The following PHAF1 variants were observed in gnomAD, a reference collection of about 807,000 sequenced individuals.
The protein encoded by PHAF1 is phagosome assembly factor 1.
PHAF1 carries 23 observed loss-of-function variants against 63.1 expected under a neutral mutation model. The ratio of observed to expected loss-of-function variants is 0.36; its 90% CI spans 0.26 to 0.52. The LOEUF is 0.52. Ranked by LOEUF, PHAF1 falls within the 20% of genes least tolerant of loss-of-function variation. PHAF1 has a pLI of 0.93. For synonymous variants in PHAF1, 167 were observed against 185.0 expected (o/e 0.90, Z 0.79); for missense variants, 427 against 517.2 (o/e 0.83, Z 1.69).
intron 15 of PHAF1, among the ~76,000 whole-genome samples, chr16:67,146,643 G>A (rs547136524): frequency 4.4e-4 from 67 of 152,336 alleles, no homozygotes; most frequent in African/African-American, 1.6e-3. Flanking sequence ...TAGCAGGGAA[G>A]GGAACCACAG....
chr16:67,126,892 C>CT (rs894357549), intron 3 of PHAF1, among the ~76,000 whole-genome samples: 1,837 of 125,704 alleles, frequency 0.015, 36 homozygotes, highest in African/African-American at 0.047. Flanking sequence ...CCAGCCCAGT[C>CT]TTTTTTTTTT....
At chr16:67,113,991 C>T (rs1030999063) in intron 1 of PHAF1, among the ~76,000 whole-genome samples, 7 of 152,024 alleles carry the variant, frequency 4.6e-5, no homozygotes, top group Admixed American at 1.3e-4. Context: ...GCATTTGTGC[C>T]GGGCCCTGAA....
At chr16:67,113,455 T>C (rs968000046) in intron 1 of PHAF1, among the ~76,000 whole-genome samples, 29 of 150,104 alleles carry the variant, frequency 1.9e-4, no homozygotes, top group African/African-American at 6.1e-4. Flanking sequence ...CTTTTTCTTT[T>C]TTTTTTTTTT....
chr16:67,144,736 T>G, intron 11 of PHAF1, 98 bp from the exon 12 acceptor site: 2 of 1,336,854 alleles, frequency 1.5e-6, no homozygotes, highest in Non-Finnish European at 2.1e-6. Flanking sequence ...TTTGGGCAGG[T>G]GTGTTTGGTT....
intron 13 of PHAF1, 45 bp from the exon 14 acceptor site, chr16:67,145,525 G>C: frequency 6.2e-7 from 1 of 1,613,394 alleles, no homozygotes; most frequent in Non-Finnish European, 8.5e-7. Flanking sequence ...TCACAGACAT[G>C]TTCATGTCCC....
chr16:67,126,901 T>C (rs1265901850), intron 3 of PHAF1, among the ~76,000 whole-genome samples: 1 of 145,140 alleles, frequency 6.9e-6, no homozygotes, highest in African/African-American at 2.6e-5. Flanking sequence ...TCTTTTTTTT[T>C]TTTTTGAGAC....
intron 2 of PHAF1, among the ~76,000 whole-genome samples, chr16:67,120,747 C>T (rs1280552660): frequency 1.4e-4 from 22 of 151,936 alleles, no homozygotes; most frequent in African/African-American, 7.3e-5. Context: ...TTGTGGTGTC[C>T]TGTGTGTCAC....
chr16:67,132,653 G>T lies in PHAF1; in HGVS notation c.355+128G>T, dbSNP rs957920750. 8 of 1,247,326 alleles carry T rather than the reference G, an allele frequency of 6.4e-6. No individual in the cohort carries two copies. In the African/African-American group the frequency reaches 7.4e-5, roughly 12 times the overall value. 77.3% of individuals were successfully genotyped at this position (1,247,326 alleles called of 1,614,324 possible). On this transcript the variant is annotated intron_variant, in intron 5 of 15. Transcript: ENST00000219139. ...ATAGGATTGTGGGGTTGGTACTTGGGTGTGAAGGAAACATCCTCCCCCTTG... is the reference window on the plus strand; with the variant it reads ...ATAGGATTGTGGGGTTGGTACTTGGTTGTGAAGGAAACATCCTCCCCCTTG...
intron 1 of PHAF1, among the ~76,000 whole-genome samples, chr16:67,113,625 A>G (rs907630362): frequency 6.6e-6 from 1 of 150,704 alleles, no homozygotes; most frequent in Non-Finnish European, 1.5e-5. Flanking sequence ...AATTTTTTGT[A>G]TTTTTAGCAG....
intron 2 of PHAF1, among the ~76,000 whole-genome samples, chr16:67,123,652 C>T (rs1481903100): frequency 6.6e-6 from 1 of 152,148 alleles, no homozygotes; most frequent in South Asian, 2.1e-4. Flanking sequence ...AAGCATTCCG[C>T]CTGCCACGAC....
At position 67,119,390 on chromosome 16, in the gene PHAF1, A is replaced by G. The variant is rs147961092; in HGVS notation, c.65-722A>G. ...TCCCATCCCCTTCCATGCATGTCCA[A>G]CCTTTTGGCTTCCCTGGGCCACATT... On this transcript the variant is annotated intron_variant, in intron 1 of 15. Transcript: ENST00000219139. Among the ~76,000 whole-genome samples the G allele has an allele frequency of 2.0e-4, 31 of 152,126 alleles. 1 individual carries two copies. In the East Asian group the frequency reaches 5.6e-3, roughly 27 times the overall value.
At chr16:67,133,462 T>C (rs1963484058) in intron 6 of PHAF1, among the ~76,000 whole-genome samples, 1 of 146,286 alleles carries the variant, frequency 6.8e-6, no homozygotes, top group Admixed American at 6.8e-5. Context: ...CGAGACCACG[T>C]TGGCCAACAT....
chr16:67,131,376 GC>G, intron 4 of PHAF1, 47 bp downstream of exon 4: 1 of 1,317,444 alleles, frequency 7.6e-7, no homozygotes, highest in East Asian at 2.4e-5. Context: ...GTATAGACAG[GC>G]CATATCTACT....
chr16:67,115,710 G>T (rs981968709), intron 1 of PHAF1, among the ~76,000 whole-genome samples: 5 of 152,116 alleles, frequency 3.3e-5, no homozygotes, highest in African/African-American at 7.2e-5. Flanking sequence ...GAGATCTTTC[G>T]TAGCCCTCCT....
intron 10 of PHAF1, among the ~76,000 whole-genome samples, chr16:67,140,861 G>C (rs879207045): frequency 6.6e-6 from 1 of 152,318 alleles, no homozygotes; most frequent in African/African-American, 2.4e-5. Context: ...TGGAGGCCTT[G>C]GAAATCATTC....
intron 1 of PHAF1, among the ~76,000 whole-genome samples, chr16:67,114,643 A>C (rs1046873382): frequency 1.3e-4 from 20 of 152,090 alleles, no homozygotes; most frequent in Admixed American, 9.2e-4. Context: ...TAATTAGAGC[A>C]TGATGTACTG....
intron 1 of PHAF1, among the ~76,000 whole-genome samples, chr16:67,112,036 C>T (rs993507720): frequency 1.3e-5 from 2 of 152,148 alleles, no homozygotes; most frequent in Non-Finnish European, 2.9e-5. Context: ...TCTCGTGAAG[C>T]ACTAAGAGCT....
At chr16:67,130,280 C>T (rs1425462248) in intron 3 of PHAF1, among the ~76,000 whole-genome samples, 1 of 151,364 alleles carries the variant, frequency 6.6e-6, no homozygotes, top group East Asian at 1.9e-4. Flanking sequence ...ATCTCCTGAC[C>T]TTGTGATCCG....
Position 67,136,468 on chromosome 16 carries a change from G to T in PHAF1, c.661+2001G>T, listed in dbSNP as rs535812825. On this transcript the variant is annotated intron_variant, in intron 8 of 15. Transcript: ENST00000219139. ...AGCGTGGAGTTTGTTCCCATAAAGA[G>T]AGCTGAGAACCTTCGTGGAGCTCAT... is the stretch of plus-strand genomic sequence containing the variant. Among the ~76,000 whole-genome samples the T allele has an allele frequency of 9.3e-5, 14 of 150,244 alleles. No homozygotes were observed. The South Asian group carries it at 2.1e-3, about 23-fold the overall frequency.
Sources: allele counts gnomAD v4.1 joint callset (sites outside exome capture counted in the v4.1 genomes callset), GRCh38; gene constraint gnomAD v4.1.1; transcripts MANE v1.5; gene names NCBI Gene and HGNC (gene_info 2026-07-23, HGNC 2026-07-21).